Variants in LRRTM4 observed in about 807,000 individuals in gnomAD.
LRRTM4 encodes leucine-rich repeat transmembrane neuronal protein 4.
Under a neutral mutation model 47.6 loss-of-function variants are expected in LRRTM4, and 25 were observed. The observed-to-expected ratio is 0.53, with a 90% CI of 0.38 to 0.73. The LOEUF (loss-of-function observed/expected upper bound fraction) is 0.73, where lower values mean the gene tolerates loss of function less well. Ranked by LOEUF, LRRTM4 falls within the 30% of genes least tolerant of loss-of-function variation. LRRTM4 has a pLI of 0.00. For synonymous variants in LRRTM4, 311 were observed against 269.5 expected, an observed-to-expected ratio of 1.15 and a Z score of -1.51; for missense variants, 638 against 713.4, an observed-to-expected ratio of 0.89 and a Z score of 1.20.
chr2:77,315,365 T>C (rs1453741064), intron 3 of LRRTM4, among the ~76,000 whole-genome samples: 1 of 152,172 alleles, frequency 6.6e-6, no homozygotes, highest in Non-Finnish European at 1.5e-5. Context: ...TGCTCATTCA[T>C]ATAATACATA....
intron 3 of LRRTM4, among the ~76,000 whole-genome samples, chr2:76,809,638 C>T (rs1277312474): frequency 3.3e-5 from 5 of 152,144 alleles, no homozygotes; most frequent in African/African-American, 1.2e-4. Flanking sequence ...AAATGTAAGT[C>T]AGACCATGCA....
intron 3 of LRRTM4, among the ~76,000 whole-genome samples, chr2:77,474,177 CAT>C (rs1188880091): frequency 2.0e-5 from 3 of 151,736 alleles, no homozygotes; most frequent in Non-Finnish European, 4.4e-5. Flanking sequence ...TAAAAGTTAA[CAT>C]GTGTGGAGGG....
intron 3 of LRRTM4, among the ~76,000 whole-genome samples, chr2:76,926,052 T>C (rs1674579652): frequency 1.3e-5 from 2 of 152,134 alleles, no homozygotes; most frequent in African/African-American, 4.8e-5. Flanking sequence ...TGACACATGG[T>C]CAGCCTGACA....
intron 3 of LRRTM4, among the ~76,000 whole-genome samples, chr2:76,915,419 G>A (rs1674208944): frequency 6.6e-6 from 1 of 152,162 alleles, no homozygotes; most frequent in South Asian, 2.1e-4. Context: ...TTTACTTTTA[G>A]TAATAGGCAA....
chr2:77,348,877 C>A (rs1026857830), intron 3 of LRRTM4, among the ~76,000 whole-genome samples: 1 of 151,394 alleles, frequency 6.6e-6, no homozygotes, highest in Non-Finnish European at 1.5e-5. Context: ...AATCTTACAT[C>A]AACAAATTAA....
intron 3 of LRRTM4, among the ~76,000 whole-genome samples, chr2:77,255,347 G>A (rs1675735823): frequency 6.6e-6 from 1 of 151,890 alleles, no homozygotes; most frequent in South Asian, 2.1e-4. Flanking sequence ...CATCTCTCAA[G>A]CAGTGATAAA....
chr2:77,135,150 T>G (rs1157099923), intron 3 of LRRTM4, among the ~76,000 whole-genome samples: 1 of 152,164 alleles, frequency 6.6e-6, no homozygotes, highest in Non-Finnish European at 1.5e-5. Flanking sequence ...ATCAGCATCC[T>G]TCCAACTCCA....
chr2:77,435,006 T>C (rs971310146), intron 3 of LRRTM4, among the ~76,000 whole-genome samples: 1 of 152,090 alleles, frequency 6.6e-6, no homozygotes, highest in Non-Finnish European at 1.5e-5. Context: ...TCTTGGGTCA[T>C]ACAATTTTTT....
At chr2:76,923,324 G>A (rs1252771310) in intron 3 of LRRTM4, among the ~76,000 whole-genome samples, 1 of 151,904 alleles carries the variant, frequency 6.6e-6, no homozygotes, top group East Asian at 1.9e-4. Flanking sequence ...AGATCCAGTT[G>A]TTAAATTTGT....
intron 3 of LRRTM4, among the ~76,000 whole-genome samples, chr2:76,842,039 G>A (rs556148298): frequency 2.2e-4 from 34 of 152,254 alleles, no homozygotes; most frequent in South Asian, 1.0e-3. Context: ...ATTTCTGGGT[G>A]TGTCTATGAG....
chr2:77,039,319 TGTAA>T (rs1446973240), intron 3 of LRRTM4, among the ~76,000 whole-genome samples: 1 of 101,624 alleles, frequency 9.8e-6, no homozygotes, highest in South Asian at 3.0e-4. Context: ...TTTTTAAAAT[TGTAA>T]GTCTTTTTTT....
At chr2:76,970,290 T>C (rs888724284) in intron 3 of LRRTM4, among the ~76,000 whole-genome samples, 11 of 151,992 alleles carry the variant, frequency 7.2e-5, no homozygotes, top group African/African-American at 2.4e-4. Flanking sequence ...GCCTATTTTG[T>C]TCACAGACAA....
intron 3 of LRRTM4, among the ~76,000 whole-genome samples, chr2:77,458,666 G>C (rs1676661112): frequency 6.6e-6 from 1 of 151,756 alleles, no homozygotes; most frequent in African/African-American, 2.4e-5. Flanking sequence ...TATCTAGGCA[G>C]GTTTTTCCTT....
chr2:77,495,631 G>A (rs1245472821), intron 3 of LRRTM4, among the ~76,000 whole-genome samples: 1 of 151,904 alleles, frequency 6.6e-6, no homozygotes, highest in African/African-American at 2.4e-5. Flanking sequence ...ATCATTTGTT[G>A]AAAAGACTAA....
intron 3 of LRRTM4, among the ~76,000 whole-genome samples, chr2:77,158,616 T>C (rs1482586424): frequency 6.6e-6 from 1 of 152,108 alleles, no homozygotes; most frequent in Non-Finnish European, 1.5e-5. Flanking sequence ...ATTTTTCATA[T>C]AGTCTGATAA....
At chr2:77,374,145 G>GTA (rs1418264126) in intron 3 of LRRTM4, among the ~76,000 whole-genome samples, 2 of 151,774 alleles carry the variant, frequency 1.3e-5, no homozygotes, top group East Asian at 3.9e-4. Context: ...ACAGTCAAGA[G>GTA]TATAGGAAGA....
intron 3 of LRRTM4, among the ~76,000 whole-genome samples, chr2:76,908,523 T>C (rs1673933253): frequency 6.6e-6 from 1 of 151,756 alleles, no homozygotes; most frequent in Non-Finnish European, 1.5e-5. Flanking sequence ...AAATAAAGGG[T>C]ATTCAATTAA....
chr2:77,017,894 T>C (rs1025892297), intron 3 of LRRTM4, among the ~76,000 whole-genome samples: 3 of 143,492 alleles, frequency 2.1e-5, no homozygotes, highest in African/African-American at 7.8e-5. Context: ...TTAGAAAGCG[T>C]CTTTCTTTAA....
chr2:77,325,510 G>A (rs1262056189), intron 3 of LRRTM4, among the ~76,000 whole-genome samples: 1 of 152,148 alleles, frequency 6.6e-6, no homozygotes, highest in East Asian at 1.9e-4. Flanking sequence ...AAAAAGTAAA[G>A]GCAGCGTGGG....
Sources: gnomAD v4.1 joint callset for allele counts (sites outside exome capture counted in the v4.1 genomes callset) on GRCh38, gnomAD v4.1.1 for gene constraint, MANE v1.5 for transcripts, NCBI Gene and HGNC (gene_info 2026-07-23, HGNC 2026-07-21) for gene names.